The following PRKD2 variants were observed in gnomAD, a reference collection of about 807,000 sequenced individuals.
The protein encoded by PRKD2 is protein kinase D2.
In PRKD2, 22 loss-of-function variants were observed where a neutral mutation model predicts 86.0. The observed-to-expected ratio is 0.26, with a 90% CI of 0.18 to 0.37. The LOEUF (loss-of-function observed/expected upper bound fraction) is 0.37. Among genes scored for constraint, PRKD2 ranks in the 10% least tolerant of loss-of-function variants. PRKD2 has a pLI of 1.00. For missense variants in PRKD2, 818 were observed against 1,199.2 expected, an observed-to-expected ratio of 0.68 and a Z score of 4.70; for synonymous variants, 509 against 510.9, an observed-to-expected ratio of 1.00 and a Z score of 0.05.
intron 15 of PRKD2, among the ~76,000 whole-genome samples, chr19:46,680,340 T>C (rs1432711664): frequency 1.3e-5 from 2 of 152,088 alleles, no homozygotes; most frequent in Admixed American, 6.6e-5. Context: ...CAGGCTGGAG[T>C]GCAGTGGTGT....
At chr19:46,699,054 C>T (rs2053601878) in intron 7 of PRKD2, among the ~76,000 whole-genome samples, 1 of 152,150 alleles carries the variant, frequency 6.6e-6, no homozygotes, top group Non-Finnish European at 1.5e-5. Context: ...GTCACTGTGA[C>T]TGGCTTACCC....
chr19:46,689,616 T>C lies in PRKD2; in HGVS notation c.1892A>G (p.His631Arg). Residue 631 changes from histidine to arginine, a missense_variant, in exon 14 of 18, where the codon CAT becomes CGT. Transcript: ENST00000291281. ...EKVFVVMEKL[H>R]GDMLEMILSS... is the part of the protein sequence containing the mutation. Reference sequence around the variant, plus strand: ...CAGGATCATCTCCAACATGTCCCCATGCAGCTTCTCCATCACCACAAACAC... The same window carrying C: ...CAGGATCATCTCCAACATGTCCCCACGCAGCTTCTCCATCACCACAAACAC... 1 of 1,614,164 alleles carries C rather than the reference T, an allele frequency of 6.2e-7. No individual in the cohort carries two copies. The highest frequency in any genetic ancestry group is 8.5e-7 in the Non-Finnish European group (1 of 1,180,010).
intron 13 of PRKD2, 102 bp from the exon 14 acceptor site, chr19:46,689,800 T>A: frequency 1.4e-6 from 2 of 1,380,506 alleles, no homozygotes; most frequent in South Asian, 1.3e-5. Flanking sequence ...GAGAAGGATG[T>A]CCCTGGGGTA....
intron 5 of PRKD2, among the ~76,000 whole-genome samples, chr19:46,701,679 T>G (rs1341917983): frequency 6.7e-6 from 1 of 149,806 alleles, no homozygotes; most frequent in Non-Finnish European, 1.5e-5. Flanking sequence ...GTGTGTGTGT[T>G]ATTGGTTCTA....
intron 9 of PRKD2, among the ~76,000 whole-genome samples, chr19:46,695,827 G>A (rs1314052464): frequency 1.3e-5 from 2 of 151,984 alleles, no homozygotes; most frequent in Non-Finnish European, 2.9e-5. Flanking sequence ...GGTGAGGACA[G>A]CATTATATTT....
chr19:46,713,523 T>C (rs1211207608), intron 2 of PRKD2, among the ~76,000 whole-genome samples: 2 of 152,056 alleles, frequency 1.3e-5, no homozygotes, highest in African/African-American at 4.8e-5. Flanking sequence ...GTCACTAGCA[T>C]CCTAATCCAT....
Position 46,713,896 on chromosome 19 carries a change from G to C in PRKD2, c.346C>G (p.Gln116Glu), listed in dbSNP as rs769577782. ...LQLVRSSGDI[Q>E]EGDLVEVVLS... Reference sequence around the variant, plus strand: ...ACCACCTCCACCAGGTCGCCCTCCTGGATGTCTCCGGACGAGCGCACCAGC... The same window carrying C: ...ACCACCTCCACCAGGTCGCCCTCCTCGATGTCTCCGGACGAGCGCACCAGC... The change falls in exon 2 of 18, where the codon CAG (glutamine) becomes GAG (glutamate). Residue 116 changes from glutamine (Q) to glutamate (E), a missense_variant. Coordinates refer to ENST00000291281, the MANE Select transcript of PRKD2 (RefSeq NM_016457.5). 41 of 1,611,496 alleles carry C rather than the reference G, an allele frequency of 2.5e-5. No homozygotes were observed. The South Asian group carries it at 4.5e-4, about 18-fold the overall frequency.
chr19:46,681,444 G>T (rs990584926), intron 15 of PRKD2, among the ~76,000 whole-genome samples: 3 of 151,192 alleles, frequency 2.0e-5, no homozygotes, highest in Non-Finnish European at 4.4e-5. Context: ...TTTTTGTATA[G>T]ATGAGGTCTC....
chr19:46,706,892 C>CTTT (rs574385292), intron 3 of PRKD2, among the ~76,000 whole-genome samples: 1 of 134,212 alleles, frequency 7.5e-6, no homozygotes, highest in African/African-American at 2.8e-5. Flanking sequence ...AACTGGATTT[C>CTTT]TTTTTTTTTT....
intron 9 of PRKD2, among the ~76,000 whole-genome samples, chr19:46,695,074 G>A (rs1041164390): frequency 2.0e-5 from 3 of 151,820 alleles, no homozygotes; most frequent in East Asian, 1.9e-4. Flanking sequence ...GTGGTGGTGC[G>A]CACCTGTAAT....
Position 46,697,832 on chromosome 19 carries a change from G to A in PRKD2, c.1140C>T (p.Pro380=), listed in dbSNP as rs778503377. Residue 380 remains proline (P), a synonymous_variant, in exon 8 of 18, where the codon CCC becomes CCT. Coordinates refer to ENST00000291281, the MANE Select transcript of PRKD2 (RefSeq NM_016457.5). ...GKAQSSLGYI[P]LMRVVQSVRH... Reference sequence around the variant, plus strand: ...GCACCGATTGCACCACCCTCATTAGGGGGATGTACCCCAGGGAGCTGCGAA... The same window carrying A: ...GCACCGATTGCACCACCCTCATTAGAGGGATGTACCCCAGGGAGCTGCGAA... The A allele has an allele frequency of 8.1e-6, 13 of 1,613,954 alleles. No individual in the cohort carries two copies. Among genetic ancestry groups the A allele is most frequent in the Non-Finnish European group, 1.1e-5 (13 of 1,179,890 alleles).
chr19:46,686,643 C>A (rs936171233), intron 14 of PRKD2, among the ~76,000 whole-genome samples: 1 of 151,026 alleles, frequency 6.6e-6, no homozygotes, highest in African/African-American at 2.4e-5. Context: ...CAAAATGAGA[C>A]CCTGTCTCAA....
Position 46,674,667 on chromosome 19 carries a change from C to G in PRKD2, c.2493G>C (p.Glu831Asp). The G allele has an allele frequency of 6.2e-7, 1 of 1,606,692 alleles. No homozygotes were observed. Among genetic ancestry groups the G allele is most frequent in the Non-Finnish European group, 8.5e-7 (1 of 1,179,966 alleles). Residue 831 changes from glutamate to aspartate, a missense_variant, in exon 18 of 18, where the codon GAG (glutamate) becomes GAC (aspartate). By Grantham distance (45) the Glu-to-Asp change is conservative (BLOSUM62 2). This residue lies in a region of PRKD2 where 132 missense variants were observed against 146.2 expected (regional missense o/e 0.90). Transcript: ENST00000291281. ...GKMGERYITH[E>D]SDDARWEQFA... is the part of the protein sequence containing the mutation. ...ACTGCTCCCAGCGCGCGTCGTCACT[C>G]TCATGCGTGATGTATCGCTCTCCCA...
intron 14 of PRKD2, among the ~76,000 whole-genome samples, chr19:46,683,270 T>C (rs951991844): frequency 6.6e-6 from 1 of 151,772 alleles, no homozygotes; most frequent in African/African-American, 2.4e-5. Flanking sequence ...AATTTTTGTA[T>C]TTTTAGTAGA....
intron 3 of PRKD2, chr19:46,710,234 C>G (rs1332557689): frequency 6.6e-6 from 1 of 152,242 alleles, no homozygotes; most frequent in African/African-American, 2.4e-5. Context: ...GCTCTGTCAC[C>G]CAGGCTGGTG....
intron 7 of PRKD2, among the ~76,000 whole-genome samples, chr19:46,700,079 T>C (rs1467277543): frequency 7.5e-6 from 1 of 133,746 alleles, no homozygotes; most frequent in Non-Finnish European, 1.6e-5. Flanking sequence ...CTACTAAAAA[T>C]ACAAAAAAAG....
At chr19:46,683,122 G>A (rs2053335158) in intron 14 of PRKD2, among the ~76,000 whole-genome samples, 1 of 150,942 alleles carries the variant, frequency 6.6e-6, no homozygotes, top group Non-Finnish European at 1.5e-5. Flanking sequence ...CAAATAGCTA[G>A]GACTACAGGC....
At chr19:46,702,082 A>G (rs2053645370) in intron 5 of PRKD2, among the ~76,000 whole-genome samples, 1 of 147,752 alleles carries the variant, frequency 6.8e-6, no homozygotes, top group South Asian at 2.1e-4. Context: ...TGTCACCCAG[A>G]CTAGAGTGTG....
chr19:46,695,249 G>A (rs2053540320), intron 9 of PRKD2, among the ~76,000 whole-genome samples: 1 of 152,174 alleles, frequency 6.6e-6, no homozygotes, highest in Admixed American at 6.5e-5. Flanking sequence ...CACTTTGGGA[G>A]GCCAAGGCAG....
Sources: gnomAD v4.1 joint callset for allele counts (sites outside exome capture counted in the v4.1 genomes callset) on GRCh38, gnomAD v4.1.1 for gene constraint, gnomAD v4.1.1 regional missense constraint, MANE v1.5 for transcripts, NCBI Gene and HGNC (gene_info 2026-07-23, HGNC 2026-07-21) for gene names.